Variants in RPS6KC1 observed in about 807,000 individuals in gnomAD.
The protein encoded by RPS6KC1 is inactive ribosomal protein S6 kinase delta-1.
In RPS6KC1, 54 loss-of-function variants were observed where a neutral mutation model predicts 103.8. That is an observed-to-expected ratio of 0.52 (90% CI 0.42 to 0.65). The LOEUF is 0.65. Among genes scored for constraint, RPS6KC1 ranks in the 30% least tolerant of loss-of-function variants. The pLI is 0.00. For synonymous variants in RPS6KC1, 439 were observed against 438.7 expected (o/e 1.00, Z -0.01); for missense variants, 1,151 against 1,253.8 (o/e 0.92, Z 1.24).
intron 12 of RPS6KC1, among the ~76,000 whole-genome samples, chr1:213,250,074 A>G (rs990496076): frequency 9.2e-5 from 14 of 152,214 alleles, no homozygotes; most frequent in African/African-American, 2.9e-4. Context: ...AGTTCCCCAC[A>G]ATACAGCAGG....
At chr1:213,789,148 A>G in the RPS6KC1 span, among the ~76,000 whole-genome samples, 2 of 152,282 alleles carry the variant, frequency 1.3e-5, no homozygotes, top group East Asian at 3.9e-4. Flanking sequence ...ACTTGGGAAA[A>G]GAAAGGTTGG....
the RPS6KC1 span, among the ~76,000 whole-genome samples, chr1:213,438,886 C>T: frequency 7.9e-4 from 120 of 151,528 alleles, 1 homozygote; most frequent in Non-Finnish European, 1.1e-3. Flanking sequence ...CTCCGCCTCC[C>T]GGGTTCACAC....
intron 8 of RPS6KC1, among the ~76,000 whole-genome samples, chr1:213,214,074 G>A (rs6667253): frequency 0.16 from 24,170 of 151,958 alleles, 5,107 homozygotes; most frequent in African/African-American, 0.49. Context: ...GAAGCAGGGC[G>A]AGGCATCGCC....
the RPS6KC1 span, among the ~76,000 whole-genome samples, chr1:213,854,564 C>CTTTCTT: frequency 0.07 from 7,303 of 104,730 alleles, 229 homozygotes; most frequent in East Asian, 0.13. Flanking sequence ...TTCTTTCTTT[C>CTTTCTT]TCTCTCTCTC....
At chr1:213,512,863 C>G in the RPS6KC1 span, among the ~76,000 whole-genome samples, 7,397 of 152,252 alleles carry the variant, frequency 0.049, 532 homozygotes, top group East Asian at 0.26. Context: ...ACACTGGTGA[C>G]AGAGGAGATG....
the RPS6KC1 span, among the ~76,000 whole-genome samples, chr1:213,623,944 A>T: frequency 1.3e-5 from 2 of 152,220 alleles, no homozygotes; most frequent in Non-Finnish European, 2.9e-5. Flanking sequence ...TTACCGCTGG[A>T]CACTGAAGAA....
intron 6 of RPS6KC1, among the ~76,000 whole-genome samples, chr1:213,145,040 G>A (rs1368215132): frequency 3.9e-5 from 6 of 152,010 alleles, no homozygotes; most frequent in East Asian, 3.9e-4. Context: ...GCGCCACTGC[G>A]CTCCAGCCTG....
intron 8 of RPS6KC1, among the ~76,000 whole-genome samples, chr1:213,196,696 A>G (rs1171065265): frequency 2.0e-5 from 3 of 152,116 alleles, no homozygotes; most frequent in South Asian, 2.1e-4. Context: ...ATTCTTCTAC[A>G]TGTGGTTTGT....
intron 6 of RPS6KC1, among the ~76,000 whole-genome samples, chr1:213,152,532 C>G (rs1385184976): frequency 1.4e-4 from 21 of 147,250 alleles, no homozygotes; most frequent in Non-Finnish European, 2.4e-4. Context: ...ACGGGGCGGC[C>G]GGGTAGAGAT....
chr1:213,150,947 A>AC (rs1271004558), intron 6 of RPS6KC1, among the ~76,000 whole-genome samples: 173 of 117,774 alleles, frequency 1.5e-3, no homozygotes, highest in African/African-American at 4.1e-3. Context: ...AGGGGGGCTG[A>AC]CCCCCCCACC....
chr1:213,141,545 T>G (rs2149091021), intron 6 of RPS6KC1, among the ~76,000 whole-genome samples: 1 of 152,176 alleles, frequency 6.6e-6, no homozygotes, highest in East Asian at 1.9e-4. Flanking sequence ...TTAGTCTAGC[T>G]AGAAGTCTGA....
At chr1:213,399,230 A>G in the RPS6KC1 span, among the ~76,000 whole-genome samples, 164 of 152,314 alleles carry the variant, frequency 1.1e-3, 2 homozygotes, top group Admixed American at 9.8e-3. Flanking sequence ...CAGGAGTTCT[A>G]CTTAGCAGGG....
the RPS6KC1 span, among the ~76,000 whole-genome samples, chr1:213,589,636 C>CT: frequency 7.8e-5 from 8 of 102,440 alleles, no homozygotes; most frequent in African/African-American, 2.7e-4. Flanking sequence ...GAGTGAAACT[C>CT]TGTTTCAAAA....
the RPS6KC1 span, among the ~76,000 whole-genome samples, chr1:213,494,446 G>C: frequency 6.6e-6 from 1 of 151,984 alleles, no homozygotes; most frequent in African/African-American, 2.4e-5. Flanking sequence ...GAAATGGAAG[G>C]ATAGAAAAAA....
At chr1:213,655,686 TGG>T in the RPS6KC1 span, among the ~76,000 whole-genome samples, 1 of 152,176 alleles carries the variant, frequency 6.6e-6, no homozygotes, top group East Asian at 1.9e-4. Context: ...ATTTTTCTGG[TGG>T]AGAACCCTCA....
chr1:213,651,513 C>A, the RPS6KC1 span, among the ~76,000 whole-genome samples: 2 of 152,164 alleles, frequency 1.3e-5, no homozygotes, highest in Non-Finnish European at 2.9e-5. Flanking sequence ...GTGCACGATG[C>A]CCATGGGTCT....
the RPS6KC1 span, among the ~76,000 whole-genome samples, chr1:213,400,954 G>A: frequency 3.9e-5 from 6 of 152,174 alleles, no homozygotes; most frequent in Admixed American, 1.3e-4. Flanking sequence ...TGATCTACCC[G>A]CCTTGGCCTC....
chr1:213,244,652 A>T (rs1295562667), intron 12 of RPS6KC1, among the ~76,000 whole-genome samples: 1 of 152,196 alleles, frequency 6.6e-6, no homozygotes, highest in Non-Finnish European at 1.5e-5. Flanking sequence ...ACCATATTAC[A>T]TTCATCAACA....
At chr1:213,141,471 G>A (rs915532105) in intron 6 of RPS6KC1, among the ~76,000 whole-genome samples, 1 of 151,900 alleles carries the variant, frequency 6.6e-6, no homozygotes, top group Non-Finnish European at 1.5e-5. Flanking sequence ...TGTGGGGTCA[G>A]TAGTAATGTC....
Sources: allele counts gnomAD v4.1 joint callset (sites outside exome capture counted in the v4.1 genomes callset), GRCh38; gene constraint gnomAD v4.1.1; transcripts MANE v1.5; gene names NCBI Gene and HGNC (gene_info 2026-07-23, HGNC 2026-07-21).